The following ADGRV1 variants were observed in gnomAD, a reference collection of about 807,000 sequenced individuals.
ADGRV1 encodes the protein adhesion G protein-coupled receptor V1, also known as G-protein coupled receptor 98.
Under a neutral mutation model 596.2 loss-of-function variants are expected in ADGRV1, and 359 were observed. The observed-to-expected ratio is 0.60, with a 90% CI of 0.55 to 0.66. The LOEUF is 0.66. ADGRV1 is among the 30% of genes least tolerant of loss of function. ADGRV1 has a pLI of 0.00. For missense variants in ADGRV1, 7,274 were observed against 7,575.6 expected, an observed-to-expected ratio of 0.96 and a Z score of 1.48; for synonymous variants, 2,681 against 2,679.2, an observed-to-expected ratio of 1.00 and a Z score of -0.02.
intron 1 of ADGRV1, among the ~76,000 whole-genome samples, chr5:90,605,838 A>G (rs1275920710): frequency 1.3e-5 from 2 of 152,334 alleles, no homozygotes; most frequent in African/African-American, 2.4e-5. Flanking sequence ...AAAACTGGTT[A>G]ACATCCTACC....
At chr5:91,148,042 C>T (rs888020201) in intron 87 of ADGRV1, among the ~76,000 whole-genome samples, 4 of 152,168 alleles carry the variant, frequency 2.6e-5, no homozygotes, top group African/African-American at 9.7e-5. Context: ...CCCTAGAAAT[C>T]TGTGGAACTT....
chr5:90,883,081 A>G (rs1371012428), intron 83 of ADGRV1, among the ~76,000 whole-genome samples: 4 of 152,150 alleles, frequency 2.6e-5, no homozygotes, highest in Non-Finnish European at 4.4e-5. Context: ...ACATAATCTT[A>G]GTGAGTATAT....
chr5:90,617,486 T>A (rs1392401217), intron 2 of ADGRV1: 1 of 182,038 alleles, frequency 5.5e-6, no homozygotes, highest in African/African-American at 2.4e-5. Flanking sequence ...ATTTTTGTAT[T>A]TTTATTAGAG....
At chr5:90,705,182 C>A (rs16869019) in intron 36 of ADGRV1, among the ~76,000 whole-genome samples, 1,951 of 152,168 alleles carry the variant, frequency 0.013, 37 homozygotes, top group African/African-American at 0.045. Flanking sequence ...ATTCTGATAA[C>A]CAGTATAACC....
chr5:91,081,418 A>G (rs1789366200), intron 86 of ADGRV1, among the ~76,000 whole-genome samples: 1 of 152,160 alleles, frequency 6.6e-6, no homozygotes. Flanking sequence ...TCCACACTGA[A>G]GCATTCTAAA....
At chr5:91,035,862 T>A (rs6149111) in intron 85 of ADGRV1, among the ~76,000 whole-genome samples, 4,875 of 16,268 alleles carry the variant, frequency 0.3, 495 homozygotes, top group African/African-American at 0.44. Context: ...ATATATATAT[T>A]ATATATATAT....
Position 90,684,185 on chromosome 5 carries a change from G to T in ADGRV1, c.6264G>T (p.Gln2088His), listed in dbSNP as rs1330948426. ...ACTCTACTTTAGTAGCGAAAGTACA[G>T]AGTCGTTCAAGTAAGTATCCCTTAG... ...LLNSTLVAKV[Q>H]SRSIPNSPRL... is the part of the protein sequence containing the mutation. The change falls in exon 28 of 90, where the codon CAG becomes CAT. Residue 2088 changes from glutamine (Q) to histidine (H), a missense_variant. Gln to His is a conservative substitution (Grantham distance 24). Around this residue, in one of 5 missense-constraint regions of ADGRV1, gnomAD observed 3,643 missense variants for 3,809.2 expected, o/e 0.96. Coordinates refer to ENST00000405460, the MANE Select transcript of ADGRV1 (RefSeq NM_032119.4). The T allele has an allele frequency of 6.8e-6, 11 of 1,609,704 alleles. No individual in the cohort carries two copies. The highest frequency in any genetic ancestry group is 9.3e-6 in the Non-Finnish European group (11 of 1,177,590).
chr5:91,039,712 C>T (rs745724019), intron 85 of ADGRV1, among the ~76,000 whole-genome samples: 69 of 151,950 alleles, frequency 4.5e-4, no homozygotes, highest in Non-Finnish European at 8.4e-4. Flanking sequence ...GAATTGCAGA[C>T]GTGGAAGGTT....
chr5:90,817,748 G>T (rs1380292769), intron 75 of ADGRV1, among the ~76,000 whole-genome samples: 1 of 152,006 alleles, frequency 6.6e-6, no homozygotes, highest in Non-Finnish European at 1.5e-5. Context: ...ACTTCTGAGG[G>T]CTCTGTTCTG....
At chr5:90,998,967 A>C (rs1483722934) in intron 85 of ADGRV1, among the ~76,000 whole-genome samples, 5 of 152,210 alleles carry the variant, frequency 3.3e-5, no homozygotes, top group Non-Finnish European at 7.4e-5. Context: ...CAACCCTGTG[A>C]GTTTGAATAT....
intron 86 of ADGRV1, among the ~76,000 whole-genome samples, chr5:91,081,772 G>A (rs1420609446): frequency 6.6e-6 from 1 of 152,032 alleles, no homozygotes; most frequent in Non-Finnish European, 1.5e-5. Flanking sequence ...AGCAACAAGA[G>A]TGAAACTCTG....
chr5:90,947,852 T>C (rs1462305360), intron 83 of ADGRV1, among the ~76,000 whole-genome samples: 1 of 152,198 alleles, frequency 6.6e-6, no homozygotes, highest in Non-Finnish European at 1.5e-5. Flanking sequence ...ATAATGACAT[T>C]AATATGTAGT....
chr5:90,750,747 G>A (rs1755153463), intron 53 of ADGRV1, 50 bp downstream of exon 53: 2 of 1,474,616 alleles, frequency 1.4e-6, no homozygotes, highest in Admixed American at 3.4e-5. Context: ...ATGGTTACTA[G>A]TGATGTATGG....
At chr5:90,984,766 A>G (rs1780345475) in intron 84 of ADGRV1, among the ~76,000 whole-genome samples, 1 of 152,212 alleles carries the variant, frequency 6.6e-6, no homozygotes, top group African/African-American at 2.4e-5. Context: ...ATTGGGAAAC[A>G]TGGACCACAA....
intron 58 of ADGRV1, 31 bp from the exon 59 acceptor site, chr5:90,763,274 T>TG: frequency 6.9e-7 from 1 of 1,447,248 alleles, no homozygotes; most frequent in Non-Finnish European, 9.2e-7. Flanking sequence ...TTTTTTTTTT[T>TG]GTTTGGCCTT....
In ADGRV1 at chr5:90,745,712, G is replaced by A; in HGVS notation, c.10891G>A (p.Gly3631Arg). 2 of 1,612,056 alleles carry A rather than the reference G, an allele frequency of 1.2e-6. No homozygotes were observed. Among genetic ancestry groups the A allele is most frequent in the South Asian group, 1.1e-5 (1 of 91,040 alleles). ...AGTTCAACTTAAAAATCCCAAAGGA[G>A]GAGCAGAGATTGGCATTAATGATTC... ...FKVQLKNPKG[G>R]AEIGINDSVT... is the part of the protein sequence containing the mutation. The change falls in exon 52 of 90, where the codon GGA (glycine) becomes AGA (arginine). Residue 3631 changes from glycine (G) to arginine (R), a missense_variant. By Grantham distance (125) the Gly-to-Arg change is moderately radical (BLOSUM62 -2). This residue lies in a region of ADGRV1 where 3,643 missense variants were observed against 3,809.2 expected (regional missense o/e 0.96). Coordinates refer to ENST00000405460, the MANE Select transcript of ADGRV1 (RefSeq NM_032119.4).
chr5:91,026,877 C>A (rs1004077095), intron 85 of ADGRV1, among the ~76,000 whole-genome samples: 2 of 152,088 alleles, frequency 1.3e-5, no homozygotes, highest in African/African-American at 4.8e-5. Flanking sequence ...TGCAGTGGCT[C>A]ACACCTGTAA....
intron 50 of ADGRV1, among the ~76,000 whole-genome samples, chr5:90,733,746 A>G (rs1270825455): frequency 6.6e-6 from 1 of 152,240 alleles, no homozygotes; most frequent in Non-Finnish European, 1.5e-5. Context: ...TATTAAATCA[A>G]GCTATTAACA....
At chr5:90,992,435 T>C (rs1781048088) in intron 85 of ADGRV1, among the ~76,000 whole-genome samples, 1 of 152,232 alleles carries the variant, frequency 6.6e-6, no homozygotes, top group African/African-American at 2.4e-5. Flanking sequence ...TTTTGAGTTA[T>C]ATCTCTCTTG....
Sources: gnomAD v4.1 joint callset for allele counts (sites outside exome capture counted in the v4.1 genomes callset) on GRCh38, gnomAD v4.1.1 for gene constraint, gnomAD v4.1.1 regional missense constraint, MANE v1.5 for transcripts, NCBI Gene and HGNC (gene_info 2026-07-23, HGNC 2026-07-21) for gene names.